ABCB1: variants seen among roughly 807,000 people sequenced by gnomAD.
ABCB1 encodes ATP binding cassette subfamily B member 1, also known as ATP-dependent translocase ABCB1.
A neutral mutation model predicts 142.0 loss-of-function variants in ABCB1; 69 were observed. The ratio of observed to expected loss-of-function variants is 0.49; its 90% CI spans 0.40 to 0.59. The LOEUF (loss-of-function observed/expected upper bound fraction) is 0.59. Among genes scored for constraint, ABCB1 ranks in the 20% least tolerant of loss-of-function variants. ABCB1 has a pLI of 0.00. For synonymous variants in ABCB1, 532 were observed against 539.2 expected, an observed-to-expected ratio of 0.99 and a Z score of 0.18; for missense variants, 1,326 against 1,554.7, an observed-to-expected ratio of 0.85 and a Z score of 2.47.
intron 1 of ABCB1, among the ~76,000 whole-genome samples, chr7:87,609,024 C>T (rs950261717): frequency 6.6e-6 from 1 of 152,126 alleles, no homozygotes. Flanking sequence ...GCAAAACATA[C>T]AAAAATCCCT....
At chr7:87,676,139 G>A (rs1445006671) in intron 1 of ABCB1, among the ~76,000 whole-genome samples, 3 of 151,952 alleles carry the variant, frequency 2.0e-5, no homozygotes, top group African/African-American at 2.4e-5. Context: ...AGGCAGGAGG[G>A]TTGGTTGAAC....
intron 8 of ABCB1, among the ~76,000 whole-genome samples, chr7:87,560,254 C>T (rs1016719125): frequency 7.2e-5 from 11 of 152,270 alleles, no homozygotes; most frequent in African/African-American, 2.4e-4. Context: ...CAAAATGGAA[C>T]ATAGATATTG....
intron 1 of ABCB1, among the ~76,000 whole-genome samples, chr7:87,655,589 G>C (rs912910076): frequency 2.0e-5 from 3 of 152,018 alleles, no homozygotes; most frequent in African/African-American, 7.2e-5. Flanking sequence ...GAGAGATGTT[G>C]GTTAAAGGAT....
chr7:87,581,659 G>A (rs1818512541), intron 4 of ABCB1, among the ~76,000 whole-genome samples: 1 of 152,138 alleles, frequency 6.6e-6, no homozygotes, highest in Non-Finnish European at 1.5e-5. Flanking sequence ...GTATTGGGAC[G>A]AGAAAACTTA....
intron 4 of ABCB1, among the ~76,000 whole-genome samples, chr7:87,577,996 A>G (rs1430691128): frequency 6.6e-6 from 1 of 152,104 alleles, no homozygotes; most frequent in Non-Finnish European, 1.5e-5. Context: ...TCTTTGCCCA[A>G]TCTAATGTCC....
At chr7:87,601,590 T>C (rs1188058449), upstream of ABCB1, among the ~76,000 whole-genome samples, 2 of 152,242 alleles carry the variant, frequency 1.3e-5, no homozygotes, top group African/African-American at 4.8e-5. Flanking sequence ...ACATTAGTTG[T>C]AATTTCCTTC....
intron 21 of ABCB1, among the ~76,000 whole-genome samples, chr7:87,530,929 AGAAGGAAAGAAGGAAG>A (rs1219471032): frequency 3.3e-5 from 5 of 151,864 alleles, no homozygotes; most frequent in South Asian, 2.1e-4. Flanking sequence ...AGGAAAGAAA[AGAAGGAAAGAAGGAAG>A]GAAGGAAAGA....
chr7:87,578,747 GC>G (rs1464307931), intron 4 of ABCB1, among the ~76,000 whole-genome samples: 2 of 143,384 alleles, frequency 1.4e-5, no homozygotes, highest in African/African-American at 5.2e-5. Flanking sequence ...AGGCTGGAGT[GC>G]AGTGGCGGGA....
chr7:87,556,909 T>C (rs914393981), intron 8 of ABCB1, among the ~76,000 whole-genome samples: 1 of 152,016 alleles, frequency 6.6e-6, no homozygotes, highest in Non-Finnish European at 1.5e-5. Context: ...GCAAGCCTTA[T>C]GACGTTTCCT....
rs114771307 is a variant in ABCB1, at chr7:87,615,479, A to G, written c.-330-14401T>C. On this transcript the variant is annotated intron_variant, in intron 1 of 28. Transcript: ENST00000265724. ...TGAGTGAGAGAGAAAACCATTGAAG[A>G]GTTTGGAGCAGAGAAGTAACATAAT... Among the ~76,000 whole-genome samples, 15 of 152,310 alleles carry G rather than the reference A, an allele frequency of 9.8e-5. 1 individual carries two copies. Among genetic ancestry groups the G allele is most frequent in the African/African-American group, 3.4e-4 (14 of 41,562 alleles).
At chr7:87,522,686 T>G (rs1815566215) in intron 21 of ABCB1, among the ~76,000 whole-genome samples, 2 of 152,216 alleles carry the variant, frequency 1.3e-5, no homozygotes, top group Admixed American at 6.5e-5. Flanking sequence ...AGATTTTTTT[T>G]GGCACCCATA....
intron 1 of ABCB1, among the ~76,000 whole-genome samples, chr7:87,639,332 ATATAT>A (rs1311655967): frequency 8.5e-5 from 13 of 152,220 alleles, no homozygotes; most frequent in Non-Finnish European, 1.8e-4. Flanking sequence ...TAATTTCAAC[ATATAT>A]TTAATATGCA....
chr7:87,643,319 G>A (rs1449003322), intron 1 of ABCB1, among the ~76,000 whole-genome samples: 1 of 152,126 alleles, frequency 6.6e-6, no homozygotes, highest in African/African-American at 2.4e-5. Flanking sequence ...CAGGGAAGAT[G>A]GTTGGGACTT....
intron 21 of ABCB1, among the ~76,000 whole-genome samples, chr7:87,526,864 C>T (rs575578397): frequency 2.0e-5 from 3 of 152,280 alleles, no homozygotes; most frequent in African/African-American, 7.2e-5. Context: ...AAGAGCATAT[C>T]TATAGATATG....
intron 1 of ABCB1, among the ~76,000 whole-genome samples, chr7:87,657,468 C>T (rs1249709558): frequency 6.6e-6 from 1 of 152,156 alleles, no homozygotes; most frequent in Non-Finnish European, 1.5e-5. Flanking sequence ...TAGAATTCCG[C>T]CCTCCTGAGG....
At chr7:87,669,874 G>A (rs1409339162) in intron 1 of ABCB1, among the ~76,000 whole-genome samples, 1 of 152,100 alleles carries the variant, frequency 6.6e-6, no homozygotes, top group Non-Finnish European at 1.5e-5. Flanking sequence ...TGTAGGTCAT[G>A]TGCCCTTTCT....
intron 1 of ABCB1, among the ~76,000 whole-genome samples, chr7:87,670,434 G>A (rs1442602034): frequency 1.3e-5 from 2 of 152,128 alleles, no homozygotes; most frequent in African/African-American, 4.8e-5. Flanking sequence ...GAGTCTCAGT[G>A]ATCTTTGTAC....
At chr7:87,655,635 A>G (rs1824022792) in intron 1 of ABCB1, among the ~76,000 whole-genome samples, 1 of 152,154 alleles carries the variant, frequency 6.6e-6, no homozygotes, top group Non-Finnish European at 1.5e-5. Context: ...AGTTCAAGAG[A>G]TCTATTGTAC....
chr7:87,618,332 C>T (rs150956287), intron 1 of ABCB1, among the ~76,000 whole-genome samples: 241 of 152,206 alleles, frequency 1.6e-3, no homozygotes, highest in African/African-American at 5.3e-3. Context: ...CCATTGTACA[C>T]CCACAGTATA....
Sources: allele counts gnomAD v4.1 joint callset (sites outside exome capture counted in the v4.1 genomes callset), GRCh38; gene constraint gnomAD v4.1.1; transcripts MANE v1.5; gene names NCBI Gene and HGNC (gene_info 2026-07-23, HGNC 2026-07-21).